The following EXTL3 variants were observed in gnomAD, a reference collection of about 807,000 sequenced individuals.
The protein encoded by EXTL3 is exostosin like glycosyltransferase 3.
A neutral mutation model predicts 69.3 loss-of-function variants in EXTL3; 27 were observed. That is an observed-to-expected ratio of 0.39 (90% CI 0.29 to 0.54). The LOEUF is 0.54. Among genes scored for constraint, EXTL3 ranks in the 20% least tolerant of loss-of-function variants. The pLI is 0.69. For missense variants in EXTL3, 1,003 were observed against 1,231.8 expected (o/e 0.81, Z 2.78); for synonymous variants, 511 against 499.4 (o/e 1.02, Z -0.31).
At chr8:28,704,765 G>A (rs1322608586) in intron 1 of EXTL3, among the ~76,000 whole-genome samples, 1 of 151,918 alleles carries the variant, frequency 6.6e-6, no homozygotes, top group Non-Finnish European at 1.5e-5. Context: ...CCGCCTCCCA[G>A]GTTCAAGTAA....
At chr8:28,705,112 G>A (rs915326869) in intron 1 of EXTL3, among the ~76,000 whole-genome samples, 7 of 152,220 alleles carry the variant, frequency 4.6e-5, no homozygotes, top group African/African-American at 7.2e-5. Flanking sequence ...ACGAGAAGGA[G>A]GTCTTGGGAA....
In EXTL3 at chr8:28,717,050, A is replaced by G. The variant is rs370139356; in HGVS notation, c.991A>G (p.Ile331Val). 4 of 1,614,110 alleles carry G rather than the reference A, an allele frequency of 2.5e-6. No individual in the cohort carries two copies. Among genetic ancestry groups the G allele is most frequent in the African/African-American group, 1.3e-5 (1 of 74,936 alleles). ...HAMSEPNFMEIPPQVPVKRKY... is the reference protein window; with the variant it reads ...HAMSEPNFMEVPPQVPVKRKY... The stretch of plus-strand genomic sequence containing the variant: ...CATGTCTGAGCCCAACTTCATGGAA[A>G]TCCCACCACAGGTGCCGGTGAAGCG... The change falls in exon 3 of 7, where the codon ATC (isoleucine) becomes GTC (valine). Residue 331 changes from isoleucine (I) to valine (V), a missense_variant. Ile to Val is a conservative substitution (Grantham distance 29, BLOSUM62 3). This residue lies in a region of EXTL3 where 742 missense variants were observed against 815.4 expected (regional missense o/e 0.91). Transcript: ENST00000220562. The surrounding 1 kb of genome is among the most constrained non-coding windows in gnomAD (Gnocchi z 8.3).
At chr8:28,738,298 CA>C (rs1265135876) in intron 5 of EXTL3, among the ~76,000 whole-genome samples, 9 of 152,300 alleles carry the variant, frequency 5.9e-5, no homozygotes, top group Admixed American at 5.9e-4. Context: ...TCACCTGGTG[CA>C]TGACTGGTCA....
chr8:28,717,735 A>G lies in EXTL3; in HGVS notation c.1676A>G (p.Lys559Arg), dbSNP rs753651394. Residue 559 changes from lysine to arginine, a missense_variant, in exon 3 of 7, where the codon AAG becomes AGG. Physicochemically the swap from Lys to Arg is conservative, Grantham distance 26 (BLOSUM62 2). Around this residue, in one of 2 missense-constraint regions of EXTL3, gnomAD observed 742 missense variants for 815.4 expected, o/e 0.91. Coordinates refer to ENST00000220562, the MANE Select transcript of EXTL3 (RefSeq NM_001440.4). The surrounding 1 kb of genome is among the most constrained non-coding windows in gnomAD (Gnocchi z 8.3). The part of the protein sequence containing the change: ...AAAEIPHRSG[K>R]AAGTDPNMAD... ...GCTGAGATCCCCCACCGTTCAGGCA[A>G]GGCGGCTGGAACTGACCCCAACATG... 7 of 1,614,260 alleles carry G rather than the reference A, an allele frequency of 4.3e-6. No homozygotes were observed. Among genetic ancestry groups the G allele is most frequent in the South Asian group, 1.1e-5 (1 of 91,088 alleles).
In EXTL3 at chr8:28,717,896, CTT is replaced by C; in HGVS notation, c.1840_1841del (p.Phe614ProfsTer6). The C allele has an allele frequency of 6.2e-7, 1 of 1,614,184 alleles. No individual in the cohort carries two copies. The highest frequency in any genetic ancestry group is 8.5e-7 in the Non-Finnish European group (1 of 1,179,990). On this transcript the variant is annotated frameshift_variant, in exon 3 of 7. Coordinates refer to ENST00000220562, the MANE Select transcript of EXTL3 (RefSeq NM_001440.4). LOFTEE classifies it high-confidence loss of function. The surrounding 1 kb of genome is among the most constrained non-coding windows in gnomAD (Gnocchi z 8.3). Reference sequence around the variant, plus strand: ...GAACTGTGCTCCAGGGCCTTTCCATCTTTTCCCCCACACTCCCTTTGACCCTG... The same window carrying C: ...GAACTGTGCTCCAGGGCCTTTCCATCTTCCCCCACACTCCCTTTGACCCTG... ...SWNCAPGPFH[L>X]FPHTPFDPVL...
chr8:28,610,210 T>C, intron 2 of EXTL3, among the ~76,000 whole-genome samples: 1 of 147,746 alleles, frequency 6.8e-6, no homozygotes, highest in Non-Finnish European at 1.5e-5. Context: ...CTCAAAAATA[T>C]GTATATGTGT....
intron 1 of EXTL3, among the ~76,000 whole-genome samples, chr8:28,651,273 C>G (rs1023544328): frequency 1.3e-5 from 2 of 152,158 alleles, no homozygotes; most frequent in South Asian, 2.1e-4. Context: ...CACCATGCTG[C>G]TGTTTGCACT....
intron 1 of EXTL3, among the ~76,000 whole-genome samples, chr8:28,673,048 G>A (rs192536516): frequency 6.6e-6 from 1 of 152,310 alleles, no homozygotes; most frequent in Non-Finnish European, 1.5e-5. Flanking sequence ...GGCCTCCTCA[G>A]CCACATGGAA....
intron 3 of EXTL3, among the ~76,000 whole-genome samples, chr8:28,729,806 T>TA (rs1554486459): frequency 6.6e-6 from 1 of 150,552 alleles, no homozygotes; most frequent in African/African-American, 2.4e-5. Context: ...TCGAGACGCC[T>TA]GGGGGGAACA....
intron 1 of EXTL3, among the ~76,000 whole-genome samples, chr8:28,692,697 T>A (rs544315573): frequency 4.9e-4 from 75 of 152,398 alleles, no homozygotes; most frequent in African/African-American, 1.7e-3. Flanking sequence ...AGAACCTCTA[T>A]GAATTCTGCC....
rs528077170 is a variant in EXTL3, at chr8:28,695,129, A to ATTT, written c.-52-18313_-52-18311dup. ...TTCATGTTAGTTTAAGTAAATGAGG[A>ATTT]TTTTTTTTTTTTTTTTTGAGGCGGA... is the stretch of plus-strand genomic sequence containing the variant. On this transcript the variant is annotated intron_variant, in intron 1 of 6. Transcript: ENST00000523149. 1.2e-3 allele frequency among the ~76,000 whole-genome samples: 164 copies of ATTT among 137,918 alleles called. 1 individual carries two copies. Among genetic ancestry groups the ATTT allele is most frequent in the Non-Finnish European group, 2.1e-3 (134 of 64,094 alleles). The allele number at this position is 137,918 out of a possible 152,430, so 90.5% of individuals were successfully genotyped here.
At chr8:28,696,794 A>T (rs1294939532), upstream of EXTL3, 1 of 152,180 alleles carries the variant, frequency 6.6e-6, no homozygotes, top group Non-Finnish European at 1.5e-5. Flanking sequence ...TCCTGACCTC[A>T]AGTGATCTGC....
intron 2 of EXTL3, among the ~76,000 whole-genome samples, chr8:28,713,758 T>C (rs1322562065): frequency 6.6e-6 from 1 of 152,188 alleles, no homozygotes; most frequent in African/African-American, 2.4e-5. Context: ...ATCCAAATAC[T>C]TAAACCTTTT....
At chr8:28,641,155 T>G (rs1176652734) in intron 1 of EXTL3, among the ~76,000 whole-genome samples, 37 of 152,330 alleles carry the variant, frequency 2.4e-4, no homozygotes, top group Non-Finnish European at 2.9e-5. Flanking sequence ...ACACATTGTA[T>G]TCAGTTCTCC....
chr8:28,627,224 C>G (rs1280377138), intron 1 of EXTL3, among the ~76,000 whole-genome samples: 1 of 151,608 alleles, frequency 6.6e-6, no homozygotes, highest in African/African-American at 2.4e-5. Context: ...AAAAATTCCC[C>G]TTGAGGCTGG....
upstream of EXTL3, among the ~76,000 whole-genome samples, chr8:28,618,269 C>G (rs1052564877): frequency 2.0e-5 from 3 of 151,404 alleles, no homozygotes; most frequent in Non-Finnish European, 4.4e-5. Context: ...GAGTTCAAGA[C>G]CAGCCTGACC....
chr8:28,715,718 A>G lies in EXTL3; in HGVS notation c.-342A>G. ...CAAGAAACAAGAGCTATGGCATTTG[A>G]AAAAGTCTGTCTGATTCCAGGGTGT... On this transcript the variant is annotated 5_prime_UTR_variant, in exon 3 of 7. An upstream open reading frame in the 5' UTR loses its in-frame stop. Transcript: ENST00000220562. 1 of 328,044 alleles carries G rather than the reference A, an allele frequency of 3.0e-6. No homozygotes were observed. Among genetic ancestry groups the G allele is most frequent in the Admixed American group, 4.5e-5 (1 of 22,082 alleles). 20.3% of individuals were successfully genotyped at this position (328,044 alleles called of 1,614,324 possible). A position where few individuals can be genotyped will look rare whatever the true frequency, so the allele number is the denominator to read the frequency against.
chr8:28,706,589 C>T lies in EXTL3; in HGVS notation c.-570+4930C>T, dbSNP rs565836181. 9.2e-5 allele frequency among the ~76,000 whole-genome samples: 14 copies of T among 152,358 alleles called. 1 individual carries two copies. The South Asian group carries it at 2.5e-3, about 27-fold the overall frequency. On this transcript the variant is annotated intron_variant, in intron 1 of 6. Transcript: ENST00000220562. ...GCAGCCAAGTGTGGGAATGTTTACC[C>T]TGGATCCTGCTTAGCACCAGATATT...
At chr8:28,708,312 G>A (rs560961392) in intron 1 of EXTL3, among the ~76,000 whole-genome samples, 4 of 152,156 alleles carry the variant, frequency 2.6e-5, no homozygotes, top group Non-Finnish European at 2.9e-5. Flanking sequence ...AGAAACCACT[G>A]TGGTCGTTGG....
Sources: allele counts gnomAD v4.1 joint callset (sites outside exome capture counted in the v4.1 genomes callset), GRCh38; gene constraint gnomAD v4.1.1; regional missense constraint gnomAD v4.1.1; non-coding constraint Gnocchi (gnomAD v3.1); transcripts MANE v1.5; gene names NCBI Gene and HGNC (gene_info 2026-07-23, HGNC 2026-07-21).